DKK3: variants seen among roughly 807,000 people sequenced by gnomAD.
DKK3 encodes dickkopf-related protein 3.
DKK3 carries 22 observed loss-of-function variants against 33.2 expected under a neutral mutation model. That is an observed-to-expected ratio of 0.66 (90% CI 0.47 to 0.95). The LOEUF (loss-of-function observed/expected upper bound fraction) is 0.95, where lower values mean the gene tolerates loss of function less well. Among genes scored for constraint, DKK3 ranks in the 40% least tolerant of loss-of-function variants. DKK3 has a pLI of 0.00. For missense variants in DKK3, 398 were observed against 458.4 expected (o/e 0.87, Z 1.20); for synonymous variants, 194 against 188.8 (o/e 1.03, Z -0.23).
At chr11:11,972,794 G>A (rs1847751157) in intron 3 of DKK3, among the ~76,000 whole-genome samples, 1 of 152,212 alleles carries the variant, frequency 6.6e-6, no homozygotes, top group Admixed American at 6.5e-5. Context: ...AGGTGTTAAA[G>A]GGGCCTCAGC....
chr11:11,965,662 C>T (rs1458436158), intron 6 of DKK3, 147 bp downstream of exon 6: 3 of 997,524 alleles, frequency 3.0e-6, no homozygotes, highest in Non-Finnish European at 4.3e-6. Flanking sequence ...TGGACCCTTC[C>T]ATCTGCATGA....
intron 3 of DKK3, among the ~76,000 whole-genome samples, chr11:11,995,120 C>T (rs1848264331): frequency 1.3e-5 from 2 of 152,314 alleles, no homozygotes; most frequent in South Asian, 4.1e-4. Flanking sequence ...ATTCCTGTCA[C>T]CCAGGCTGGA....
At chr11:11,998,948 C>T (rs989747901) in intron 2 of DKK3, among the ~76,000 whole-genome samples, 169 bp from the exon 3 acceptor site, 3 of 152,110 alleles carry the variant, frequency 2.0e-5, no homozygotes, top group African/African-American at 4.8e-5. Flanking sequence ...GTGAGATGGA[C>T]GGCTTCCCCT....
intron 3 of DKK3, among the ~76,000 whole-genome samples, chr11:11,983,169 C>G (rs1225615939): frequency 6.6e-6 from 1 of 152,182 alleles, no homozygotes; most frequent in Non-Finnish European, 1.5e-5. Context: ...CTTGTTTGCC[C>G]TTTTTAGATG....
chr11:11,988,774 T>C (rs1848125742), intron 3 of DKK3, among the ~76,000 whole-genome samples: 1 of 152,046 alleles, frequency 6.6e-6, no homozygotes, highest in Middle Eastern at 3.2e-3. Context: ...ATCCCCACAA[T>C]CTCCACGATG....
chr11:11,979,231 T>C (rs7395522), intron 3 of DKK3, among the ~76,000 whole-genome samples: 130,460 of 152,228 alleles, frequency 0.86, 56,157 homozygotes, highest in Middle Eastern at 0.98. Context: ...GGAGGCTGGG[T>C]GGGGAAGCCT....
chr11:12,007,011 T>C lies in DKK3; in HGVS notation c.213+1359A>G, dbSNP rs572609183. Among the ~76,000 whole-genome samples, 393 of 152,322 alleles carry C rather than the reference T, an allele frequency of 2.6e-3. 1 individual carries two copies. Among genetic ancestry groups the C allele is most frequent in the Admixed American group, 5.8e-3 (89 of 15,304 alleles). On this transcript the variant is annotated intron_variant, in intron 1 of 6. Coordinates refer to ENST00000683431, the MANE Select transcript of DKK3 (RefSeq NM_001018057.2). The stretch of plus-strand genomic sequence containing the variant: ...TTCACCCTTTAATTGCTCCATGTCA[T>C]GATTGTTTTGCAATCACAGGAAACA...
At chr11:11,965,664 T>C in intron 6 of DKK3, 145 bp downstream of exon 6, 3 of 1,038,572 alleles carry the variant, frequency 2.9e-6, no homozygotes, top group Admixed American at 5.7e-5. Context: ...GACCCTTCCA[T>C]CTGCATGACC....
intron 3 of DKK3, among the ~76,000 whole-genome samples, chr11:11,987,612 G>A (rs113211194): frequency 8.5e-5 from 13 of 152,182 alleles, no homozygotes; most frequent in Admixed American, 1.3e-4. Flanking sequence ...CCATGTGCCC[G>A]GAGGTGGGGT....
intron 4 of DKK3, among the ~76,000 whole-genome samples, chr11:11,967,850 T>A (rs1450894637): frequency 6.6e-6 from 1 of 152,208 alleles, no homozygotes; most frequent in Non-Finnish European, 1.5e-5. Flanking sequence ...GCCCTGTCCC[T>A]CTGCCCTCTC....
chr11:11,986,036 G>A (rs927027756), intron 3 of DKK3, among the ~76,000 whole-genome samples: 4 of 152,148 alleles, frequency 2.6e-5, no homozygotes, highest in East Asian at 1.9e-4. Context: ...TCTCCTGCTC[G>A]TGGGGCTGAG....
intron 3 of DKK3, among the ~76,000 whole-genome samples, chr11:11,994,200 C>T (rs1350072610): frequency 6.6e-6 from 1 of 152,084 alleles, no homozygotes; most frequent in Non-Finnish European, 1.5e-5. Context: ...TTGCTGGGAA[C>T]CAGCAAATTA....
intron 3 of DKK3, among the ~76,000 whole-genome samples, chr11:11,989,801 T>A (rs925653450): frequency 1.3e-5 from 2 of 152,212 alleles, no homozygotes; most frequent in Non-Finnish European, 2.9e-5. Context: ...AAGACCTAAG[T>A]GCTTCATTTT....
chr11:11,968,257 TG>T, intron 4 of DKK3, 137 bp downstream of exon 4: 2 of 725,328 alleles, frequency 2.8e-6, no homozygotes, highest in Non-Finnish European at 4.3e-6. Flanking sequence ...GTCAGCCCTC[TG>T]GGGAGCCCTC....
At chr11:11,989,748 A>G (rs146688403) in intron 3 of DKK3, among the ~76,000 whole-genome samples, 1 of 152,352 alleles carries the variant, frequency 6.6e-6, no homozygotes, top group East Asian at 1.9e-4. Context: ...AATTTTTTGT[A>G]TGTTGCATTA....
At chr11:11,967,309 C>G (rs554359439) in intron 4 of DKK3, among the ~76,000 whole-genome samples, 5 of 152,146 alleles carry the variant, frequency 3.3e-5, no homozygotes, top group Non-Finnish European at 7.4e-5. Flanking sequence ...AAAATGGCAC[C>G]GGGAGGACTC....
chr11:12,009,741 T>C (rs1027316992), upstream of DKK3: 9 of 985,484 alleles, frequency 9.1e-6, no homozygotes, highest in African/African-American at 7.0e-5. Flanking sequence ...TCTGCCGTGA[T>C]TGACACCGTG....
At chr11:11,983,895 A>G (rs556226988) in intron 3 of DKK3, among the ~76,000 whole-genome samples, 87 of 152,318 alleles carry the variant, frequency 5.7e-4, no homozygotes, top group Non-Finnish European at 1.1e-3. Context: ...ATGGCTCTTC[A>G]TAGTCTTTAG....
chr11:12,005,559 C>T (rs774850479), intron 1 of DKK3, among the ~76,000 whole-genome samples: 11 of 152,176 alleles, frequency 7.2e-5, no homozygotes, highest in South Asian at 2.1e-4. Flanking sequence ...CAGATTGAAG[C>T]CATTTGAAGA....
Sources: gnomAD v4.1 joint callset for allele counts (sites outside exome capture counted in the v4.1 genomes callset) on GRCh38, gnomAD v4.1.1 for gene constraint, MANE v1.5 for transcripts, NCBI Gene and HGNC (gene_info 2026-07-23, HGNC 2026-07-21) for gene names.